The following THSD7A variants were observed in gnomAD, a reference collection of about 807,000 sequenced individuals.
THSD7A encodes the protein thrombospondin type 1 domain containing 7A.
THSD7A carries 96 observed loss-of-function variants against 231.3 expected under a neutral mutation model. The ratio of observed to expected loss-of-function variants is 0.41; its 90% CI spans 0.35 to 0.49. The LOEUF (loss-of-function observed/expected upper bound fraction) is 0.49. Among genes scored for constraint, THSD7A ranks in the 20% least tolerant of loss-of-function variants. The probability of loss-of-function intolerance (pLI) is 0.05; values close to 1 mark genes in which losing one functional copy is unlikely to be tolerated. For missense variants in THSD7A, 2,290 were observed against 2,070.2 expected (o/e 1.11, Z -2.06); for synonymous variants, 940 against 743.3 (o/e 1.26, Z -4.30).
At chr7:11,672,923 A>C (rs1783458377) in intron 1 of THSD7A, among the ~76,000 whole-genome samples, 1 of 152,190 alleles carries the variant, frequency 6.6e-6, no homozygotes. Context: ...AGCTGAAGTA[A>C]AATTATGATT....
intron 4 of THSD7A, among the ~76,000 whole-genome samples, chr7:11,554,158 G>T (rs1015090906): frequency 1.3e-5 from 2 of 151,960 alleles, no homozygotes; most frequent in Non-Finnish European, 2.9e-5. Flanking sequence ...CAAACTTAAT[G>T]TCTACCAGAA....
intron 1 of THSD7A, among the ~76,000 whole-genome samples, chr7:11,696,671 T>C (rs74752461): frequency 0.092 from 13,907 of 150,662 alleles, 801 homozygotes; most frequent in Non-Finnish European, 0.14. Flanking sequence ...TACCTAGAAA[T>C]ACAACTTACA....
intron 6 of THSD7A, among the ~76,000 whole-genome samples, chr7:11,505,975 G>A (rs982153856): frequency 2.6e-5 from 4 of 152,156 alleles, no homozygotes; most frequent in Non-Finnish European, 4.4e-5. Context: ...CACTTCTGAA[G>A]CAAATTAAAT....
intron 19 of THSD7A, among the ~76,000 whole-genome samples, chr7:11,410,725 C>G (rs2018144): frequency 0.35 from 52,458 of 151,772 alleles, 9,649 homozygotes; most frequent in African/African-American, 0.48. Flanking sequence ...GTTTGAATTT[C>G]AGGCTTTCAC....
chr7:11,398,657 A>G (rs115017626), intron 23 of THSD7A, among the ~76,000 whole-genome samples: 6,175 of 152,306 alleles, frequency 0.041, 422 homozygotes, highest in African/African-American at 0.14. Flanking sequence ...GGCATTAGCT[A>G]CGGGGGTCTG....
At chr7:11,683,477 T>C (rs1783946558) in intron 1 of THSD7A, among the ~76,000 whole-genome samples, 1 of 151,806 alleles carries the variant, frequency 6.6e-6, no homozygotes, top group Non-Finnish European at 1.5e-5. Flanking sequence ...GATAGAATGT[T>C]AACACATTAA....
chr7:11,432,783 T>A (rs74864672), intron 13 of THSD7A, among the ~76,000 whole-genome samples: 1,790 of 152,150 alleles, frequency 0.012, 41 homozygotes, highest in African/African-American at 0.041. Context: ...TATTCTAGAA[T>A]GTGTCTTTTG....
intron 1 of THSD7A, among the ~76,000 whole-genome samples, chr7:11,644,139 A>ATAT (rs1202073676): frequency 6.6e-6 from 1 of 151,632 alleles, no homozygotes; most frequent in African/African-American, 2.4e-5. Context: ...AGAATTCACA[A>ATAT]TATCCTTCCC....
chr7:11,418,797 A>T (rs1398547219), intron 16 of THSD7A, among the ~76,000 whole-genome samples: 1 of 152,222 alleles, frequency 6.6e-6, no homozygotes, highest in African/African-American at 2.4e-5. Flanking sequence ...CCTGAAAAAA[A>T]TACCCAAACA....
chr7:11,618,243 G>A (rs1171021181), intron 2 of THSD7A, among the ~76,000 whole-genome samples: 1 of 152,160 alleles, frequency 6.6e-6, no homozygotes, highest in Non-Finnish European at 1.5e-5. Flanking sequence ...GTATAACTTG[G>A]AGGGGTTTCT....
intron 6 of THSD7A, among the ~76,000 whole-genome samples, chr7:11,510,817 G>A (rs1202964143): frequency 2.0e-5 from 3 of 151,656 alleles, no homozygotes; most frequent in African/African-American, 7.3e-5. Context: ...CAGCCAATAT[G>A]GGTCTGTCAT....
Position 11,373,428 on chromosome 7 carries a change from T to TGAC in THSD7A, c.*2363_*2365dup, listed in dbSNP as rs1161528770. ...CTGGAAGACCCCTGATTATATATAT[T>TGAC]GACAATCACAGTTTTAAAGTAACAA... is the stretch of plus-strand genomic sequence containing the variant. On this transcript the variant is annotated 3_prime_UTR_variant, in exon 28 of 28. Coordinates refer to ENST00000423059, the MANE Select transcript of THSD7A (RefSeq NM_015204.3). The TGAC allele has an allele frequency of 6.6e-6, 1 of 152,014 alleles. No individual in the cohort carries two copies. The highest frequency in any genetic ancestry group is 2.4e-5 in the African/African-American group (1 of 41,432). 9.4% of individuals were successfully genotyped at this position (152,014 alleles called of 1,614,324 possible).
chr7:11,416,396 CACAG>C lies in THSD7A; in HGVS notation c.3537+1050_3537+1053del, dbSNP rs374109077. ...TGACAAAAAATCTCACTGTTATAAA[CACAG>C]ACAGTGTAGCATATAGCCCAATTAT... is the stretch of plus-strand genomic sequence containing the variant. On this transcript the variant is annotated intron_variant, in intron 17 of 27. Transcript: ENST00000423059. Among the ~76,000 whole-genome samples, 30 of 152,290 alleles carry C rather than the reference CACAG, an allele frequency of 2.0e-4. 1 individual carries two copies. The East Asian group carries it at 4.8e-3, about 24-fold the overall frequency.
chr7:11,696,055 C>A (rs1005453731), intron 1 of THSD7A, among the ~76,000 whole-genome samples: 1 of 151,412 alleles, frequency 6.6e-6, no homozygotes, highest in African/African-American at 2.4e-5. Flanking sequence ...GATTTCTACA[C>A]TGAGTTATTT....
At chr7:11,692,519 G>A (rs1015909309) in intron 1 of THSD7A, among the ~76,000 whole-genome samples, 2 of 151,492 alleles carry the variant, frequency 1.3e-5, no homozygotes, top group African/African-American at 4.8e-5. Flanking sequence ...TGAGGCAGAT[G>A]CGTAATGTAC....
At position 11,407,038 on chromosome 7, in the gene THSD7A, G is replaced by A. The variant is rs777727562; in HGVS notation, c.3934C>T (p.Arg1312Ter). The part of the protein sequence containing the change: ...CGLTGKMIRR[R>*]TVTQPFQGDG... ...CCTTGAAAGGGCTGGGTCACTGTTCGTCTTCGGATCATTTTTCCTTGAAGA... is the reference window on the plus strand; with the variant it reads ...CCTTGAAAGGGCTGGGTCACTGTTCATCTTCGGATCATTTTTCCTTGAAGA... Residue 1312 changes from arginine (R) to a stop codon, truncating the protein, a stop_gained, in exon 21 of 28, where the codon CGA becomes TGA. Coordinates refer to ENST00000423059, the MANE Select transcript of THSD7A (RefSeq NM_015204.3). LOFTEE classifies it high-confidence loss of function. 11 of 1,613,664 alleles carry A rather than the reference G, an allele frequency of 6.8e-6. No homozygotes were observed. Among genetic ancestry groups the A allele is most frequent in the Non-Finnish European group, 8.5e-6 (10 of 1,179,818 alleles).
At chr7:11,741,142 T>C (rs1369000792) in intron 1 of THSD7A, among the ~76,000 whole-genome samples, 1 of 151,962 alleles carries the variant, frequency 6.6e-6, no homozygotes, top group Admixed American at 6.6e-5. Context: ...AATACACTAA[T>C]AATTACACAT....
chr7:11,571,960 A>AT (rs915124635), intron 4 of THSD7A, among the ~76,000 whole-genome samples: 88 of 147,150 alleles, frequency 6.0e-4, no homozygotes, highest in African/African-American at 2.0e-3. Flanking sequence ...TGAATTTGAG[A>AT]TTTTTTTTTT....
At chr7:11,664,244 A>C (rs1027452747) in intron 1 of THSD7A, among the ~76,000 whole-genome samples, 6 of 151,882 alleles carry the variant, frequency 4.0e-5, no homozygotes, top group Non-Finnish European at 8.8e-5. Flanking sequence ...AAGTACCTCA[A>C]AACATATGTA....
Sources: allele counts gnomAD v4.1 joint callset (sites outside exome capture counted in the v4.1 genomes callset), GRCh38; gene constraint gnomAD v4.1.1; transcripts MANE v1.5; gene names NCBI Gene and HGNC (gene_info 2026-07-23, HGNC 2026-07-21).